C8orf34: variants seen among roughly 807,000 people sequenced by gnomAD.
C8orf34 encodes uncharacterized protein C8orf34.
A neutral mutation model predicts 68.3 loss-of-function variants in C8orf34; 65 were observed. That is an observed-to-expected ratio of 0.95 (90% confidence interval 0.78 to 1.17). The LOEUF (loss-of-function observed/expected upper bound fraction) is 1.17, where lower values mean the gene tolerates loss of function less well. C8orf34 is among the 50% of genes most tolerant of loss of function. C8orf34 has a pLI of 0.00. For missense variants in C8orf34, 664 were observed against 655.4 expected, an observed-to-expected ratio of 1.01 and a Z score of -0.14; for synonymous variants, 244 against 241.2, an observed-to-expected ratio of 1.01 and a Z score of -0.11.
At chr8:68,672,491 A>T (rs1028375037) in intron 8 of C8orf34, among the ~76,000 whole-genome samples, 4 of 152,152 alleles carry the variant, frequency 2.6e-5, no homozygotes, top group African/African-American at 9.7e-5. Context: ...GGGACTTTGC[A>T]TTGAAACTCA....
intron 12 of C8orf34, among the ~76,000 whole-genome samples, chr8:68,813,505 T>G (rs1824718649): frequency 6.6e-6 from 1 of 152,198 alleles, no homozygotes; most frequent in South Asian, 2.1e-4. Context: ...GGACTGGAAC[T>G]TGATTGGCAA....
At chr8:68,716,477 G>T (rs946407542) in intron 9 of C8orf34, among the ~76,000 whole-genome samples, 4 of 151,956 alleles carry the variant, frequency 2.6e-5, no homozygotes, top group African/African-American at 4.8e-5. Flanking sequence ...TAAGTAACAA[G>T]TATGAATATA....
chr8:68,813,699 C>G (rs558165990), intron 12 of C8orf34, among the ~76,000 whole-genome samples: 1 of 152,204 alleles, frequency 6.6e-6, no homozygotes, highest in South Asian at 2.1e-4. Flanking sequence ...CCTGAAATTC[C>G]TTTTTTAAGG....
At chr8:68,799,760 T>A (rs957961224) in intron 12 of C8orf34, among the ~76,000 whole-genome samples, 2 of 152,212 alleles carry the variant, frequency 1.3e-5, no homozygotes, top group African/African-American at 2.4e-5. Flanking sequence ...GCACACTGTT[T>A]CTTAAGAGAA....
At chr8:68,513,807 C>T (rs1814385470) in intron 5 of C8orf34, among the ~76,000 whole-genome samples, 1 of 152,044 alleles carries the variant, frequency 6.6e-6, no homozygotes, top group Non-Finnish European at 1.5e-5. Context: ...GATCCCAGCC[C>T]TAGCAGGGAG....
chr8:68,672,454 T>C (rs774907408), intron 8 of C8orf34, among the ~76,000 whole-genome samples: 27 of 152,142 alleles, frequency 1.8e-4, no homozygotes, highest in Admixed American at 1.2e-3. Context: ...ATCTGTGGGC[T>C]TAGGGAGGGA....
At chr8:68,454,607 C>T (rs1811473061) in intron 3 of C8orf34, among the ~76,000 whole-genome samples, 1 of 151,886 alleles carries the variant, frequency 6.6e-6, no homozygotes, top group Admixed American at 6.6e-5. Flanking sequence ...TAATGTCTCA[C>T]TTTTGTTTCT....
intron 7 of C8orf34, among the ~76,000 whole-genome samples, chr8:68,538,985 A>G (rs541425009): frequency 6.6e-6 from 1 of 152,298 alleles, no homozygotes. Flanking sequence ...AATTTGTACT[A>G]TATGTTTACA....
intron 7 of C8orf34, among the ~76,000 whole-genome samples, chr8:68,549,470 A>G (rs961887214): frequency 1.3e-5 from 2 of 151,924 alleles, no homozygotes; most frequent in Middle Eastern, 3.4e-3. Context: ...GAAACTTTCT[A>G]TGGTGATGGA....
intron 7 of C8orf34, among the ~76,000 whole-genome samples, chr8:68,560,084 G>A (rs1240734831): frequency 1.3e-5 from 2 of 152,016 alleles, no homozygotes; most frequent in Non-Finnish European, 2.9e-5. Flanking sequence ...ATATTAAATG[G>A]TTTGGAAATC....
intron 7 of C8orf34, chr8:68,534,262 A>G (rs915514999): frequency 9.1e-6 from 9 of 985,338 alleles, no homozygotes; most frequent in Non-Finnish European, 1.1e-5. Flanking sequence ...TTTTCATTAC[A>G]TGCTGTTGGT....
chr8:68,497,953 C>T (rs1025749215), intron 5 of C8orf34, among the ~76,000 whole-genome samples: 8 of 152,048 alleles, frequency 5.3e-5, no homozygotes, highest in Admixed American at 2.6e-4. Context: ...CTCAGCCTCC[C>T]GTGTAACTGG....
chr8:68,566,517 G>T (rs1816593546), intron 7 of C8orf34, among the ~76,000 whole-genome samples: 1 of 152,182 alleles, frequency 6.6e-6, no homozygotes, highest in Non-Finnish European at 1.5e-5. Context: ...GCTTCACCTT[G>T]CACCTTTCTA....
intron 1 of C8orf34, among the ~76,000 whole-genome samples, chr8:68,400,789 G>A (rs1452772859): frequency 6.6e-6 from 1 of 152,136 alleles, no homozygotes; most frequent in Non-Finnish European, 1.5e-5. Flanking sequence ...AACATAATTT[G>A]AAGTGAAGCA....
chr8:68,448,163 C>A (rs1003097052), intron 3 of C8orf34, among the ~76,000 whole-genome samples: 36 of 151,952 alleles, frequency 2.4e-4, no homozygotes, highest in Admixed American at 2.4e-3. Context: ...AGGGAGAATG[C>A]CTAAAGGTCC....
chr8:68,705,882 A>G (rs1821150128), intron 8 of C8orf34, among the ~76,000 whole-genome samples: 1 of 152,170 alleles, frequency 6.6e-6, no homozygotes, highest in South Asian at 2.1e-4. Context: ...TTCCAGCATA[A>G]TGGATAGTCT....
intron 1 of C8orf34, among the ~76,000 whole-genome samples, chr8:68,332,014 G>T (rs1805632429): frequency 6.6e-6 from 1 of 151,200 alleles, no homozygotes; most frequent in Admixed American, 6.6e-5. Flanking sequence ...TGTGTTAGCA[G>T]GAGAAAGGGA....
At chr8:68,416,512 C>T (rs1017862067) in intron 1 of C8orf34, among the ~76,000 whole-genome samples, 7 of 145,996 alleles carry the variant, frequency 4.8e-5, no homozygotes, top group Non-Finnish European at 9.0e-5. Context: ...ATTAAACATA[C>T]ATTTATTTAT....
chr8:68,364,935 C>A (rs1807176376), intron 1 of C8orf34, among the ~76,000 whole-genome samples: 1 of 151,442 alleles, frequency 6.6e-6, no homozygotes, highest in African/African-American at 2.4e-5. Context: ...AAAAACCCTT[C>A]AAAAAATCAA....
Sources: allele counts gnomAD v4.1 joint callset (sites outside exome capture counted in the v4.1 genomes callset), GRCh38; gene constraint gnomAD v4.1.1; transcripts MANE v1.5; gene names NCBI Gene and HGNC (gene_info 2026-07-23, HGNC 2026-07-21).